MYO9A: variants seen among roughly 807,000 people sequenced by gnomAD.
MYO9A encodes unconventional myosin-IXa.
In MYO9A, 103 loss-of-function variants were observed where a neutral mutation model predicts 293.3. That is an observed-to-expected ratio of 0.35 (90% CI 0.30 to 0.41). MYO9A has a LOEUF of 0.41. MYO9A is among the 10% of genes least tolerant of loss of function. The probability of loss-of-function intolerance (pLI) is 1.00; values close to 1 mark genes in which losing one functional copy is unlikely to be tolerated. For missense variants in MYO9A, 2,685 were observed against 3,033.0 expected, an observed-to-expected ratio of 0.89 and a Z score of 2.69; for synonymous variants, 1,001 against 1,035.7, an observed-to-expected ratio of 0.97 and a Z score of 0.64.
intron 1 of MYO9A, among the ~76,000 whole-genome samples, chr15:72,112,231 A>AT (rs2080804491): frequency 5.3e-5 from 8 of 151,778 alleles, no homozygotes; most frequent in Admixed American, 2.6e-4. Flanking sequence ...AAATAAATAA[A>AT]AAAAACACAC....
chr15:71,972,637 A>C (rs2076041637), intron 12 of MYO9A, among the ~76,000 whole-genome samples: 1 of 152,170 alleles, frequency 6.6e-6, no homozygotes. Context: ...CTTCATGTTG[A>C]TTGTTATGGT....
chr15:71,981,504 G>A (rs1350289605), intron 11 of MYO9A, among the ~76,000 whole-genome samples: 2 of 152,114 alleles, frequency 1.3e-5, no homozygotes, highest in Non-Finnish European at 2.9e-5. Context: ...GTTTTGAAAA[G>A]CTCTTTTGTT....
At chr15:71,939,896 G>C (rs920825919) in intron 15 of MYO9A, among the ~76,000 whole-genome samples, 1 of 152,048 alleles carries the variant, frequency 6.6e-6, no homozygotes, top group East Asian at 1.9e-4. Flanking sequence ...AAACTGATTC[G>C]ACTAATAAAC....
chr15:71,946,378 T>C (rs907954917), intron 15 of MYO9A, among the ~76,000 whole-genome samples: 2 of 152,228 alleles, frequency 1.3e-5, no homozygotes, highest in African/African-American at 4.8e-5. Context: ...TACCGCACTA[T>C]TCATATTTTC....
chr15:71,978,079 C>T, intron 12 of MYO9A, 92 bp downstream of exon 12: 3 of 1,449,484 alleles, frequency 2.1e-6, no homozygotes, highest in Admixed American at 4.5e-5. Flanking sequence ...AAATTTGGCT[C>T]TTTATTTGGT....
intron 21 of MYO9A, 116 bp downstream of exon 21, chr15:71,903,813 A>G (rs1018492952): frequency 3.5e-6 from 3 of 866,568 alleles, no homozygotes; most frequent in Admixed American, 5.1e-5. Context: ...CAAAACGTGA[A>G]ATGGAAAGGA....
rs2054392893 is a variant in MYO9A at position 71,824,579 on chromosome 15, AC to A, written c.*2000del. On this transcript the variant is annotated 3_prime_UTR_variant, in exon 42 of 42. Transcript: ENST00000356056. Reference sequence around the variant, plus strand: ...ACGGGGCTGAGGAACCAGCAATCCCACTCTAACACACCATGCTGAGGGGTTT... The same window carrying A: ...ACGGGGCTGAGGAACCAGCAATCCCATCTAACACACCATGCTGAGGGGTTT... 1 of 152,286 alleles carries A rather than the reference AC, an allele frequency of 6.6e-6. No individual in the cohort carries two copies. The highest frequency in any genetic ancestry group is 1.5e-5 in the Non-Finnish European group (1 of 68,026). 9.4% of individuals were successfully genotyped at this position (152,286 alleles called of 1,614,324 possible). A position where few individuals can be genotyped will look rare whatever the true frequency, so the allele number is the denominator to read the frequency against.
chr15:71,854,421 C>G lies in MYO9A; in HGVS notation c.6302G>C (p.Gly2101Ala), dbSNP rs2055782072. ...AAGCTCCTTGATTTTATTAGTCGAACCAGACTTTCGATAAATACCTTCTGT... is the reference window on the plus strand; with the variant it reads ...AAGCTCCTTGATTTTATTAGTCGAAGCAGACTTTCGATAAATACCTTCTGT... ...LYTEGIYRKS[G>A]STNKIKELRQ... Residue 2101 changes from glycine to alanine, a missense_variant, in exon 35 of 42, where the codon GGT (glycine) becomes GCT (alanine). Transcript: ENST00000356056. 1.2e-6 allele frequency: 2 copies of G among 1,606,756 alleles called. No homozygotes were observed. Among genetic ancestry groups the G allele is most frequent in the Non-Finnish European group, 1.7e-6 (2 of 1,177,112 alleles).
At chr15:71,920,063 A>C (rs906389423) in intron 18 of MYO9A, among the ~76,000 whole-genome samples, 2 of 152,122 alleles carry the variant, frequency 1.3e-5, no homozygotes, top group African/African-American at 4.8e-5. Context: ...ATCATGCATA[A>C]GGTTTATGAA....
chr15:71,893,674 C>T lies in MYO9A; in HGVS notation c.5142+5G>A. 1 of 1,609,716 alleles carries T rather than the reference C, an allele frequency of 6.2e-7. No individual in the cohort carries two copies. ...AAGATAGATAAACAAAAACTCAAAA[C>T]TTACCTCTCTTTGGCCTGGCCCAGC... On this transcript the variant is annotated splice_donor_5th_base_variant and intron_variant, in intron 26 of 41. Coordinates refer to ENST00000356056, the MANE Select transcript of MYO9A (RefSeq NM_006901.4).
chr15:72,038,031 C>T (rs1364332141), intron 2 of MYO9A, among the ~76,000 whole-genome samples: 3 of 151,968 alleles, frequency 2.0e-5, no homozygotes, highest in Non-Finnish European at 4.4e-5. Flanking sequence ...CCTCCCATCT[C>T]AGCCTTCCAA....
At chr15:71,832,760 C>T (rs191600950) in intron 39 of MYO9A, among the ~76,000 whole-genome samples, 2 of 152,166 alleles carry the variant, frequency 1.3e-5, no homozygotes, top group Admixed American at 6.5e-5. Context: ...GGCAATGAAA[C>T]GTGAGTATGT....
At chr15:72,012,878 C>A (rs1217158266) in intron 6 of MYO9A, among the ~76,000 whole-genome samples, 1 of 152,100 alleles carries the variant, frequency 6.6e-6, no homozygotes, top group Non-Finnish European at 1.5e-5. Flanking sequence ...GAAAGAGGCA[C>A]TAAAATATGT....
intron 12 of MYO9A, among the ~76,000 whole-genome samples, chr15:71,977,501 T>C (rs2076173506): frequency 6.6e-6 from 1 of 152,154 alleles, no homozygotes; most frequent in African/African-American, 2.4e-5. Context: ...CATCCCAAAG[T>C]GTTGAGATTA....
chr15:71,934,660 G>A (rs907029259), intron 17 of MYO9A, among the ~76,000 whole-genome samples: 4 of 151,142 alleles, frequency 2.6e-5, no homozygotes, highest in Non-Finnish European at 5.9e-5. Context: ...AAGTGCAATG[G>A]CAAGATCATG....
chr15:71,977,241 G>GT (rs1233423409), intron 12 of MYO9A, among the ~76,000 whole-genome samples: 2 of 152,002 alleles, frequency 1.3e-5, no homozygotes, highest in South Asian at 2.1e-4. Flanking sequence ...TTTCTGTTTT[G>GT]TTTTTTTGGA....
intron 1 of MYO9A, among the ~76,000 whole-genome samples, chr15:72,077,596 G>A (rs2079393790): frequency 6.6e-6 from 1 of 151,604 alleles, no homozygotes; most frequent in African/African-American, 2.4e-5. Context: ...GGAGGCTGAG[G>A]CAAGAGAATC....
chr15:71,893,597 T>G, intron 26 of MYO9A, 82 bp downstream of exon 26: 1 of 1,097,168 alleles, frequency 9.1e-7, no homozygotes, highest in Non-Finnish European at 1.4e-6. Context: ...GATGAGGTGC[T>G]CTACCTACAA....
intron 13 of MYO9A, among the ~76,000 whole-genome samples, chr15:71,965,725 G>A (rs368675449): frequency 1.5e-3 from 227 of 152,296 alleles, no homozygotes; most frequent in African/African-American, 4.8e-3. Context: ...GCAAAAGAGC[G>A]AAGCGAGACT....
Sources: allele counts gnomAD v4.1 joint callset (sites outside exome capture counted in the v4.1 genomes callset), GRCh38; gene constraint gnomAD v4.1.1; transcripts MANE v1.5; gene names NCBI Gene and HGNC (gene_info 2026-07-23, HGNC 2026-07-21).